ARHGEF6: variants seen among roughly 807,000 people sequenced by gnomAD.
ARHGEF6 encodes the protein Rac/Cdc42 guanine nucleotide exchange factor 6, also known as rho guanine nucleotide exchange factor 6.
In ARHGEF6, 9 loss-of-function variants were observed where a neutral mutation model predicts 70.3. The ratio of observed to expected loss-of-function variants is 0.13; its 90% confidence interval spans 0.08 to 0.22. ARHGEF6 has a LOEUF of 0.22. Among genes scored for constraint, ARHGEF6 ranks in the 10% least tolerant of loss-of-function variants. ARHGEF6 has a pLI of 1.00. For synonymous variants in ARHGEF6, 201 were observed against 207.8 expected (o/e 0.97, Z 0.28); for missense variants, 470 against 563.0 (o/e 0.83, Z 1.67).
At chrX:136,764,791 A>T (rs889153331) in intron 2 of ARHGEF6, among the ~76,000 whole-genome samples, 2 of 112,073 alleles carry the variant, frequency 1.8e-5, no homozygotes, top group Non-Finnish European at 3.8e-5. Flanking sequence ...TGTAAATATA[A>T]AGTTGATTTA....
chrX:136,752,805 T>C (rs1356076851), intron 2 of ARHGEF6, among the ~76,000 whole-genome samples: 1 of 112,483 alleles, frequency 8.9e-6, no homozygotes, highest in Non-Finnish European at 1.9e-5. Context: ...TTAGGAACAT[T>C]CCAGCTCTTC....
intron 18 of ARHGEF6, among the ~76,000 whole-genome samples, chrX:136,675,350 TG>T (rs752528280): frequency 7.2e-5 from 7 of 97,735 alleles, no homozygotes; most frequent in African/African-American, 1.5e-4. Context: ...GGGACCGGGG[TG>T]GGGGGGGCGG....
intron 9 of ARHGEF6, among the ~76,000 whole-genome samples, chrX:136,696,300 A>T (rs1248469626): frequency 9.0e-6 from 1 of 111,254 alleles, no homozygotes; most frequent in East Asian, 2.8e-4. Flanking sequence ...CTACTCAGTT[A>T]AAAAAAAGCG....
rs191132994 is a variant in ARHGEF6, at chrX:136,667,695, G to A, written c.*334C>T. 13 of 276,577 alleles carry A rather than the reference G, an allele frequency of 4.7e-5. No individual in the cohort carries two copies. Among genetic ancestry groups the A allele is most frequent in the African/African-American group, 3.6e-4 (13 of 36,293 alleles). The allele number at this position is 276,577 out of a possible 1,213,427, so 22.8% of individuals were successfully genotyped here. Reference sequence around the variant, plus strand: ...CACTGTGAACTGAAGGCAATCTGAAGACCTTTTAAGTAACTGGCCTGCATT... The same window carrying A: ...CACTGTGAACTGAAGGCAATCTGAAAACCTTTTAAGTAACTGGCCTGCATT... On this transcript the variant is annotated 3_prime_UTR_variant, in exon 22 of 22. Transcript: ENST00000250617.
At chrX:136,761,516 A>C (rs764241399) in intron 2 of ARHGEF6, among the ~76,000 whole-genome samples, 10 of 112,627 alleles carry the variant, frequency 8.9e-5, no homozygotes, top group Non-Finnish European at 1.9e-5. Flanking sequence ...TCTATGATGA[A>C]AAGCACAGAG....
intron 5 of ARHGEF6, among the ~76,000 whole-genome samples, chrX:136,733,368 A>G (rs1209096194): frequency 2.7e-5 from 3 of 111,279 alleles, no homozygotes; most frequent in Non-Finnish European, 5.7e-5. Context: ...TTATAAATCT[A>G]TTGCAGTCCC....
At chrX:136,739,075 C>T (rs2077016850) in intron 5 of ARHGEF6, among the ~76,000 whole-genome samples, 1 of 111,463 alleles carries the variant, frequency 9.0e-6, no homozygotes. Context: ...TTGACATTGA[C>T]ACCGCCTCTT....
At chrX:136,755,965 G>A (rs935669339) in intron 2 of ARHGEF6, among the ~76,000 whole-genome samples, 9 of 111,049 alleles carry the variant, frequency 8.1e-5, no homozygotes, top group Admixed American at 4.8e-4. Context: ...TGCCTAGAAC[G>A]TAAGCCCCAT....
chrX:136,771,063 C>A (rs1022001913), intron 2 of ARHGEF6, among the ~76,000 whole-genome samples: 2 of 112,262 alleles, frequency 1.8e-5, no homozygotes, highest in African/African-American at 6.5e-5. Context: ...GAAAACAATC[C>A]TATTTTTTTA....
intron 11 of ARHGEF6, 47 bp from the exon 12 acceptor site, chrX:136,685,870 T>C: frequency 8.5e-7 from 1 of 1,175,878 alleles, no homozygotes; most frequent in Non-Finnish European, 1.2e-6. Context: ...TCTTATGAAA[T>C]AGACTAAAAT....
At position 136,668,139 on chromosome X, in the gene ARHGEF6, C is replaced by G; in HGVS notation, c.2221G>C (p.Glu741Gln). 8.3e-7 allele frequency: 1 copy of G among 1,211,639 alleles called. No individual in the cohort carries two copies. The highest frequency in any genetic ancestry group is 1.1e-6 in the Non-Finnish European group (1 of 895,387). The change falls in exon 22 of 22, where the codon GAA becomes CAA. Residue 741 changes from glutamate (E) to glutamine (Q), a missense_variant. This residue lies in a region of ARHGEF6 where 88 missense variants were observed against 95.5 expected (regional missense o/e 0.92). Coordinates refer to ENST00000250617, the MANE Select transcript of ARHGEF6 (RefSeq NM_004840.3). Reference protein sequence around the residue: ...ENKRMKQCLEEELKSRRDLEK... With the variant: ...ENKRMKQCLEQELKSRRDLEK... ...AGGTCCCTTCTTGATTTCAGTTCTT[C>G]TTCCAGGCATTGCTTCATTCTTTTA...
chrX:136,680,537 T>C (rs2076323013), intron 15 of ARHGEF6, among the ~76,000 whole-genome samples, 194 bp downstream of exon 15: 1 of 112,504 alleles, frequency 8.9e-6, no homozygotes, highest in African/African-American at 3.2e-5. Context: ...ACACTCTAAG[T>C]AAACCTTTTC....
At chrX:136,731,070 A>AAT (rs1343546597) in intron 6 of ARHGEF6, among the ~76,000 whole-genome samples, 2 of 112,246 alleles carry the variant, frequency 1.8e-5, no homozygotes, top group Non-Finnish European at 3.8e-5. Flanking sequence ...TCTGCTGGGT[A>AAT]ATATATTTTA....
intron 6 of ARHGEF6, among the ~76,000 whole-genome samples, chrX:136,731,310 T>C (rs1441039531): frequency 9.0e-6 from 1 of 111,566 alleles, no homozygotes; most frequent in Non-Finnish European, 1.9e-5. Flanking sequence ...GGGAGATGAG[T>C]ACGCAAGACA....
chrX:136,671,998 A>T, intron 20 of ARHGEF6, 22 bp downstream of exon 20: 4 of 1,170,239 alleles, frequency 3.4e-6, no homozygotes, highest in Non-Finnish European at 4.7e-6. Flanking sequence ...AAACTAGGCA[A>T]GGTTTTGCCT....
At chrX:136,693,359 A>C (rs1392709727) in intron 9 of ARHGEF6, among the ~76,000 whole-genome samples, 1 of 112,419 alleles carries the variant, frequency 8.9e-6, no homozygotes, top group African/African-American at 3.2e-5. Context: ...TTGTCCTAAA[A>C]TGCCTTTTAT....
chrX:136,736,906 C>A (rs1395683852), intron 5 of ARHGEF6, among the ~76,000 whole-genome samples: 1 of 111,547 alleles, frequency 9.0e-6, no homozygotes, highest in Non-Finnish European at 1.9e-5. Context: ...ACGCACAGCA[C>A]TCCCATGGCA....
intron 10 of ARHGEF6, among the ~76,000 whole-genome samples, chrX:136,689,293 C>T (rs1284681625): frequency 8.9e-6 from 1 of 111,810 alleles, no homozygotes; most frequent in East Asian, 2.8e-4. Flanking sequence ...CAGCCAAAGA[C>T]ATGTGACCCA....
chrX:136,771,189 A>G (rs2077360836), intron 2 of ARHGEF6, among the ~76,000 whole-genome samples: 1 of 112,348 alleles, frequency 8.9e-6, no homozygotes, highest in Admixed American at 9.4e-5. Flanking sequence ...AAGTGGAAAT[A>G]CATCCCATAA....
Sources: allele counts gnomAD v4.1 joint callset (sites outside exome capture counted in the v4.1 genomes callset), GRCh38; gene constraint gnomAD v4.1.1; regional missense constraint gnomAD v4.1.1; transcripts MANE v1.5; gene names NCBI Gene and HGNC (gene_info 2026-07-23, HGNC 2026-07-21).